WWOX: variants seen among roughly 807,000 people sequenced by gnomAD.
WWOX encodes the protein WW domain containing oxidoreductase, also known as WW domain-containing oxidoreductase.
WWOX carries 69 observed loss-of-function variants against 46.2 expected under a neutral mutation model. The ratio of observed to expected loss-of-function variants is 1.49; its 90% CI spans 1.23 to 1.82. The LOEUF is 1.82. Ranked by LOEUF, WWOX falls within the 40% of genes most tolerant of loss-of-function variation. The pLI is 0.00. For missense variants in WWOX, 919 were observed against 542.6 expected, an observed-to-expected ratio of 1.69 and a Z score of -6.89; for synonymous variants, 359 against 202.6, an observed-to-expected ratio of 1.77 and a Z score of -6.56.
At chr16:78,807,520 C>G (rs569830195) in intron 8 of WWOX, among the ~76,000 whole-genome samples, 3 of 152,294 alleles carry the variant, frequency 2.0e-5, no homozygotes, top group South Asian at 4.1e-4. Flanking sequence ...GTTTTTGCTT[C>G]TACATGGATT....
intron 8 of WWOX, among the ~76,000 whole-genome samples, chr16:78,883,776 A>T (rs1024241706): frequency 2.6e-4 from 40 of 152,050 alleles, no homozygotes; most frequent in African/African-American, 9.7e-4. Context: ...TGGTCATGTG[A>T]GATGTTGACA....
chr16:79,092,933 C>T (rs921536477), intron 8 of WWOX, among the ~76,000 whole-genome samples: 1 of 152,270 alleles, frequency 6.6e-6, no homozygotes, highest in African/African-American at 2.4e-5. Flanking sequence ...TGTGAGTTTT[C>T]ATCTATAATA....
In WWOX at chr16:78,432,583, C is replaced by G. The variant is rs1385421754; in HGVS notation, c.887C>G (p.Ser296Cys). The change falls in exon 8 of 9, where the codon TCC becomes TGC. Residue 296 changes from serine to cysteine, a missense_variant. Transcript: ENST00000566780. Reference sequence around the variant, plus strand: ...TGGGCGATGCTGGCTTATAACAGGTCCAAGCTCTGCAACATCCTCTTCTCC... The same window carrying G: ...TGGGCGATGCTGGCTTATAACAGGTGCAAGCTCTGCAACATCCTCTTCTCC... ...DYWAMLAYNR[S>C]KLCNILFSNE... is the part of the protein sequence containing the mutation. 17 of 1,614,092 alleles carry G rather than the reference C, an allele frequency of 1.1e-5. No individual in the cohort carries two copies. The highest frequency in any genetic ancestry group is 5.0e-5 in the Admixed American group (3 of 60,002).
chr16:78,601,052 G>C (rs1467420615), intron 8 of WWOX, among the ~76,000 whole-genome samples: 2 of 152,140 alleles, frequency 1.3e-5, no homozygotes, highest in Non-Finnish European at 2.9e-5. Flanking sequence ...ATAATACCTG[G>C]GGCAGGGATG....
chr16:79,202,373 G>A (rs558116768), intron 8 of WWOX, among the ~76,000 whole-genome samples: 6 of 152,242 alleles, frequency 3.9e-5, no homozygotes, highest in Admixed American at 6.5e-5. Context: ...TAAGGCACAC[G>A]GTAAAGGAAC....
intron 8 of WWOX, among the ~76,000 whole-genome samples, chr16:78,818,132 G>A (rs754876889): frequency 1.1e-4 from 16 of 152,288 alleles, no homozygotes; most frequent in East Asian, 7.7e-4. Flanking sequence ...GCCTTGACTC[G>A]TGATTGGGTG....
At chr16:78,726,429 T>A (rs2048838932) in intron 8 of WWOX, among the ~76,000 whole-genome samples, 1 of 151,976 alleles carries the variant, frequency 6.6e-6, no homozygotes, top group African/African-American at 2.4e-5. Context: ...CGGGGAGGTC[T>A]CCCTGTGTTG....
chr16:78,837,834 A>C (rs903629096), intron 8 of WWOX, among the ~76,000 whole-genome samples: 1 of 152,168 alleles, frequency 6.6e-6, no homozygotes, highest in African/African-American at 2.4e-5. Flanking sequence ...CTTAATTTTC[A>C]TAGTCATCCT....
chr16:78,413,165 C>G (rs944442139), intron 6 of WWOX, among the ~76,000 whole-genome samples: 11 of 152,058 alleles, frequency 7.2e-5, no homozygotes, highest in Admixed American at 2.6e-4. Flanking sequence ...GTATGGGAAA[C>G]CAGAGTTGTA....
At chr16:78,860,542 T>C (rs138604663) in intron 8 of WWOX, among the ~76,000 whole-genome samples, 8 of 152,352 alleles carry the variant, frequency 5.3e-5, no homozygotes, top group African/African-American at 1.9e-4. Flanking sequence ...CCAGACATTG[T>C]TCTAAGAGGG....
intron 8 of WWOX, among the ~76,000 whole-genome samples, chr16:78,925,855 G>C (rs1458427030): frequency 6.6e-6 from 1 of 152,092 alleles, no homozygotes; most frequent in East Asian, 1.9e-4. Flanking sequence ...ACCAGGATTT[G>C]GTCATTTCTT....
intron 8 of WWOX, among the ~76,000 whole-genome samples, chr16:78,980,851 G>A (rs1478136219): frequency 6.6e-6 from 1 of 152,164 alleles, no homozygotes; most frequent in Non-Finnish European, 1.5e-5. Flanking sequence ...AAGGGATTAT[G>A]GTTCTGTAAT....
chr16:79,031,865 TAGATATCTATATAC>T (rs2047764133), intron 8 of WWOX, among the ~76,000 whole-genome samples: 1 of 141,880 alleles, frequency 7.0e-6, no homozygotes, highest in Admixed American at 7.3e-5. Flanking sequence ...TATATATAGA[TAGATATCTATATAC>T]AGATATCTGT....
At chr16:78,475,148 C>T (rs1016187626) in intron 8 of WWOX, among the ~76,000 whole-genome samples, 4 of 152,142 alleles carry the variant, frequency 2.6e-5, no homozygotes, top group African/African-American at 7.2e-5. Context: ...TAGGGACATG[C>T]AAAACAAAGG....
At chr16:78,753,700 G>T (rs1597551303) in intron 8 of WWOX, among the ~76,000 whole-genome samples, 1 of 150,274 alleles carries the variant, frequency 6.7e-6, no homozygotes, top group African/African-American at 2.4e-5. Flanking sequence ...TACTCAGGAG[G>T]CTGAGGTGGG....
intron 8 of WWOX, among the ~76,000 whole-genome samples, chr16:78,761,484 A>G (rs1056290768): frequency 1.3e-5 from 2 of 151,996 alleles, no homozygotes; most frequent in African/African-American, 4.8e-5. Context: ...TGTTGGCTGA[A>G]ATCTGTAGTG....
intron 8 of WWOX, among the ~76,000 whole-genome samples, chr16:78,488,741 G>A (rs114476113): frequency 0.032 from 4,921 of 152,230 alleles, 158 homozygotes; most frequent in African/African-American, 0.08. Context: ...ACTGTGTGAC[G>A]CTGGGGCATC....
chr16:78,163,870 C>T (rs917692705), intron 4 of WWOX, among the ~76,000 whole-genome samples: 4 of 152,160 alleles, frequency 2.6e-5, no homozygotes, highest in Non-Finnish European at 4.4e-5. Context: ...CACTGCATCC[C>T]TAGGACAAGT....
At chr16:79,131,544 C>T (rs566284850) in intron 8 of WWOX, among the ~76,000 whole-genome samples, 66 of 152,252 alleles carry the variant, frequency 4.3e-4, no homozygotes, top group African/African-American at 1.4e-3. Flanking sequence ...AAGACGGGGA[C>T]ACCCAGGAGC....
Sources: allele counts gnomAD v4.1 joint callset (sites outside exome capture counted in the v4.1 genomes callset), GRCh38; gene constraint gnomAD v4.1.1; transcripts MANE v1.5; gene names NCBI Gene and HGNC (gene_info 2026-07-23, HGNC 2026-07-21).